CSPG5: variants seen among roughly 807,000 people sequenced by gnomAD.
The protein encoded by CSPG5 is acidic leucine-rich EGF-like domain-containing brain protein.
CSPG5 carries 25 observed loss-of-function variants against 39.8 expected under a neutral mutation model. That is an observed-to-expected ratio of 0.63 (90% CI 0.46 to 0.88). The LOEUF is 0.88. CSPG5 is among the 40% of genes least tolerant of loss of function. The probability of loss-of-function intolerance (pLI) is 0.00; values close to 1 mark genes in which losing one functional copy is unlikely to be tolerated. For missense variants in CSPG5, 627 were observed against 702.2 expected (o/e 0.89, Z 1.21); for synonymous variants, 295 against 303.9 (o/e 0.97, Z 0.31).
chr3:47,568,268 G>T (rs1232406852), intron 4 of CSPG5, among the ~76,000 whole-genome samples: 1 of 152,196 alleles, frequency 6.6e-6, no homozygotes, highest in Non-Finnish European at 1.5e-5. Flanking sequence ...CTAGGATTTG[G>T]ATGTGGCATG....
At chr3:47,573,440 A>G (rs766412994) in intron 2 of CSPG5, among the ~76,000 whole-genome samples, 4 of 152,204 alleles carry the variant, frequency 2.6e-5, no homozygotes, top group Admixed American at 6.5e-5. Flanking sequence ...AGATTCTTCT[A>G]TCTCTGCAGC....
At chr3:47,573,275 A>G (rs1384939472) in intron 2 of CSPG5, among the ~76,000 whole-genome samples, 1 of 152,148 alleles carries the variant, frequency 6.6e-6, no homozygotes, top group African/African-American at 2.4e-5. Context: ...AAGATGAAAA[A>G]CAAGAGGAAT....
At chr3:47,566,786 C>T (rs1011227150) in intron 4 of CSPG5, among the ~76,000 whole-genome samples, 2 of 152,182 alleles carry the variant, frequency 1.3e-5, no homozygotes, top group Admixed American at 1.3e-4. Context: ...CCCTGGCCAC[C>T]CCATCACCCT....
upstream of CSPG5, chr3:47,580,071 C>A (rs1461031369): frequency 1.3e-5 from 2 of 152,258 alleles, no homozygotes; most frequent in Non-Finnish European, 2.9e-5. Flanking sequence ...CTCAGCAGAA[C>A]TATGGCTGCA....
chr3:47,569,027 G>C, intron 4 of CSPG5, 125 bp downstream of exon 4: 2 of 1,430,866 alleles, frequency 1.4e-6, no homozygotes, highest in Non-Finnish European at 1.8e-6. Flanking sequence ...TGGGCCAGGG[G>C]CCAAAGCATG....
intron 2 of CSPG5, among the ~76,000 whole-genome samples, chr3:47,575,727 T>G (rs545687724): frequency 5.8e-4 from 89 of 152,176 alleles, no homozygotes; most frequent in Non-Finnish European, 1.1e-3. Context: ...CCCTTTTGAG[T>G]TTGCGTGCCT....
rs149492065 is a variant in CSPG5, at chr3:47,567,233, A to G, written c.1458+1919T>C. Among the ~76,000 whole-genome samples the G allele has an allele frequency of 7.9e-5, 12 of 152,330 alleles. No homozygotes were observed. In the East Asian group the frequency reaches 2.3e-3, roughly 29 times the overall value. ...CGTGGACAGTGAACATGCTGACTAC[A>G]GGAGCTCCCGTCCTGGCAGACCTGC... On this transcript the variant is annotated intron_variant, in intron 4 of 4. Transcript: ENST00000264723.
chr3:47,570,514 CTT>C (rs71281899), intron 3 of CSPG5, among the ~76,000 whole-genome samples: 2 of 145,288 alleles, frequency 1.4e-5, no homozygotes, highest in Admixed American at 6.8e-5. Context: ...TCACCTAGAG[CTT>C]TTTTTTTTTT....
rs114793044 is a variant in CSPG5, at chr3:47,573,811, T to C, written c.1194-937A>G. On this transcript the variant is annotated intron_variant, in intron 2 of 4. Transcript: ENST00000264723. ...GGAGACATGGCTAGCAAGAAATTCT[T>C]CATTTTCCAACTGAGCCTCTGCCGT... 1.4e-3 allele frequency among the ~76,000 whole-genome samples: 206 copies of C among 152,302 alleles called. 1 individual carries two copies. Among genetic ancestry groups the C allele is most frequent in the African/African-American group, 4.7e-3 (194 of 41,574 alleles).
intron 2 of CSPG5, among the ~76,000 whole-genome samples, chr3:47,575,250 A>T (rs2031671545): frequency 6.6e-6 from 1 of 152,168 alleles, no homozygotes; most frequent in Admixed American, 6.5e-5. Flanking sequence ...ATATGGTGAA[A>T]CCCCATCTCT....
rs1487680232 is a variant in CSPG5 at position 47,572,563 on chromosome 3, G to A, written c.1382+123C>T. Reference sequence around the variant, plus strand: ...TTTTTAGCACAGACAAAACAGCTGGGAATGGAGCACAGGTGCCAGAAACCC... The same window carrying A: ...TTTTTAGCACAGACAAAACAGCTGGAAATGGAGCACAGGTGCCAGAAACCC... On this transcript the variant is annotated intron_variant, in intron 3 of 4. Coordinates refer to ENST00000264723, the MANE Select transcript of CSPG5 (RefSeq NM_006574.4). This position sits in a 1 kb window ranked among gnomAD's most constrained non-coding sequence, Gnocchi z 4.5. 2 of 803,450 alleles carry A rather than the reference G, an allele frequency of 2.5e-6. No homozygotes were observed. The highest frequency in any genetic ancestry group is 2.5e-5 in the East Asian group (1 of 40,494). The allele number at this position is 803,450 out of a possible 1,614,324, so 49.8% of individuals were successfully genotyped here.
At position 47,562,789 on chromosome 3, in the gene CSPG5, G is replaced by A. The variant is rs199986083; in HGVS notation, c.1459-28C>T. Reference sequence around the variant, plus strand: ...GGAAGAGGGAAAAAGTTGGGGGGGGGGAGACAATGCATACAGCAACCAAAT... The same window carrying A: ...GGAAGAGGGAAAAAGTTGGGGGGGGAGAGACAATGCATACAGCAACCAAAT... On this transcript the variant is annotated intron_variant, in intron 4 of 4. Transcript: ENST00000264723. 7.7e-4 allele frequency: 1,187 copies of A among 1,540,570 alleles called. 9 individuals carry two copies. In the African/African-American group the frequency reaches 0.015, roughly 19 times the overall value.
chr3:47,562,907 AAC>A (rs1208866287), intron 4 of CSPG5, 146 bp from the exon 5 acceptor site: 6 of 849,946 alleles, frequency 7.1e-6, no homozygotes, highest in Non-Finnish European at 8.5e-6. Flanking sequence ...GAACCAAAGT[AAC>A]TCATTAGCAG....
At chr3:47,564,217 A>G (rs1257892692) in intron 4 of CSPG5, among the ~76,000 whole-genome samples, 1 of 152,244 alleles carries the variant, frequency 6.6e-6, no homozygotes, top group Admixed American at 6.5e-5. Context: ...AGTGTTCTCC[A>G]GAGAAGTCTG....
chr3:47,573,062 A>G (rs2031587034), intron 2 of CSPG5, among the ~76,000 whole-genome samples, 188 bp from the exon 3 acceptor site: 1 of 152,186 alleles, frequency 6.6e-6, no homozygotes, highest in South Asian at 2.1e-4. Flanking sequence ...CAACCATTCT[A>G]TGAAGTGGGC....
chr3:47,564,929 G>C (rs949673988), intron 4 of CSPG5, among the ~76,000 whole-genome samples: 3 of 152,010 alleles, frequency 2.0e-5, no homozygotes, highest in Admixed American at 1.3e-4. Flanking sequence ...AAGTATCTTA[G>C]GTAGGATGGA....
At chr3:47,567,589 A>G (rs1351006940) in intron 4 of CSPG5, among the ~76,000 whole-genome samples, 5 of 152,324 alleles carry the variant, frequency 3.3e-5, no homozygotes, top group Middle Eastern at 3.4e-3. Context: ...CTTTCATTTC[A>G]TATTTAAATT....
intron 4 of CSPG5, chr3:47,568,940 T>C: frequency 1.4e-6 from 1 of 693,024 alleles, no homozygotes; most frequent in Non-Finnish European, 2.2e-6. Flanking sequence ...TTCCCACCTT[T>C]GCTGCCCAAC....
chr3:47,566,711 C>T (rs1278016929), intron 4 of CSPG5, among the ~76,000 whole-genome samples: 1 of 152,188 alleles, frequency 6.6e-6, no homozygotes, highest in Non-Finnish European at 1.5e-5. Flanking sequence ...CCTCAAGATC[C>T]AAGAGGAGCC....
Sources: allele counts gnomAD v4.1 joint callset (sites outside exome capture counted in the v4.1 genomes callset), GRCh38; gene constraint gnomAD v4.1.1; non-coding constraint Gnocchi (gnomAD v3.1); transcripts MANE v1.5; gene names NCBI Gene and HGNC (gene_info 2026-07-23, HGNC 2026-07-21).